Variants in SETX observed in about 807,000 individuals in gnomAD.
SETX encodes the protein helicase senataxin.
A neutral mutation model predicts 227.2 loss-of-function variants in SETX; 90 were observed. The observed-to-expected ratio is 0.40, with a 90% CI of 0.33 to 0.47. SETX has a LOEUF of 0.47. Among genes scored for constraint, SETX ranks in the 20% least tolerant of loss-of-function variants. The pLI, the probability that SETX is intolerant of heterozygous loss-of-function variation, is 0.91. For synonymous variants in SETX, 1,210 were observed against 1,113.2 expected, an observed-to-expected ratio of 1.09 and a Z score of -1.73; for missense variants, 3,052 against 3,181.5, an observed-to-expected ratio of 0.96 and a Z score of 0.98.
intron 10 of SETX, among the ~76,000 whole-genome samples, chr9:132,322,307 G>A (rs1225300649): frequency 6.6e-6 from 1 of 152,010 alleles, no homozygotes; most frequent in Non-Finnish European, 1.5e-5. Context: ...TTACTATGCT[G>A]TGCAACCATC....
Position 132,330,236 on chromosome 9 carries a change from G to A in SETX, c.1362C>T (p.Val454=), listed in dbSNP as rs1589748106. 2.5e-6 allele frequency: 4 copies of A among 1,570,280 alleles called. No individual in the cohort carries two copies. Among genetic ancestry groups the A allele is most frequent in the Non-Finnish European group, 3.5e-6 (4 of 1,158,340 alleles). Residue 454 remains valine (V), a synonymous_variant, in exon 10 of 26, where the codon GTC becomes GTT. Transcript: ENST00000224140. ...CCAAAATTAGAAGAAAAAATTCAGTGACTTTGTCACACACAGCATCTGTTT... is the reference window on the plus strand; with the variant it reads ...CCAAAATTAGAAGAAAAAATTCAGTAACTTTGTCACACACAGCATCTGTTT... ...LNQTDAVCDK[V]TEFFLLILVS...
intron 10 of SETX, among the ~76,000 whole-genome samples, chr9:132,325,193 A>G (rs1846641577): frequency 6.6e-6 from 1 of 152,104 alleles, no homozygotes; most frequent in Admixed American, 6.5e-5. Context: ...CATCTCTACT[A>G]AAAATACAAA....
chr9:132,328,953 T>C lies in SETX; in HGVS notation c.2645A>G (p.Asn882Ser), dbSNP rs767546831. ...ATGAAATTCCTGTATTTTACAATTGTTTTCATGGAAAGAGAAAATAACTAA... is the reference window on the plus strand; with the variant it reads ...ATGAAATTCCTGTATTTTACAATTGCTTTCATGGAAAGAGAAAATAACTAA... ...EELVIFSFHENNCKIQEFHVD... is the reference protein window; with the variant it reads ...EELVIFSFHESNCKIQEFHVD... The change falls in exon 10 of 26, where the codon AAC becomes AGC. Residue 882 changes from asparagine to serine, a missense_variant. By Grantham distance (46) the Asn-to-Ser change is conservative (BLOSUM62 1). This residue lies in a region of SETX where 1,483 missense variants were observed against 1,312.0 expected (regional missense o/e 1.13). Coordinates refer to ENST00000224140, the MANE Select transcript of SETX (RefSeq NM_015046.7). 12 of 1,610,480 alleles carry C rather than the reference T, an allele frequency of 7.5e-6. No individual in the cohort carries two copies. In the South Asian group the frequency reaches 1.3e-4, roughly 18 times the overall value.
intron 2 of SETX, among the ~76,000 whole-genome samples, chr9:132,353,263 G>A (rs1372776405): frequency 6.6e-6 from 1 of 152,012 alleles, no homozygotes; most frequent in African/African-American, 2.4e-5. Context: ...ACCATTCATG[G>A]TGACTGGTAT....
At chr9:132,338,246 C>T (rs1226197106) in intron 5 of SETX, among the ~76,000 whole-genome samples, 1 of 152,010 alleles carries the variant, frequency 6.6e-6, no homozygotes, top group Admixed American at 6.6e-5. Context: ...GGTGCACCAC[C>T]ACGCCCGGCT....
chr9:132,261,918 A>G lies in SETX; in HGVS notation c.*2321T>C, dbSNP rs1022249813. On this transcript the variant is annotated 3_prime_UTR_variant, in exon 26 of 26. Transcript: ENST00000224140. ...GCCACACTTCACACCTTGTAAAAAG[A>G]ATAGCCCTGTTCAACAACGCTGCGC... 6.5e-6 allele frequency: 1 copy of G among 154,454 alleles called. No individual in the cohort carries two copies. Among genetic ancestry groups the G allele is most frequent in the African/African-American group, 2.4e-5 (1 of 41,552 alleles). 9.6% of individuals were successfully genotyped at this position (154,454 alleles called of 1,614,324 possible).
intron 15 of SETX, 76 bp downstream of exon 15, chr9:132,295,796 T>C: frequency 7.2e-7 from 1 of 1,383,030 alleles, no homozygotes; most frequent in Non-Finnish European, 1.0e-6. Flanking sequence ...GGCCTGCTCT[T>C]TCCTTTGTCA....
In SETX at chr9:132,328,458, T is replaced by C. The variant is rs1846993237; in HGVS notation, c.3140A>G (p.Glu1047Gly). The C allele has an allele frequency of 6.2e-7, 1 of 1,613,690 alleles. No homozygotes were observed. Among genetic ancestry groups the C allele is most frequent in the South Asian group, 1.1e-5 (1 of 91,064 alleles). The change falls in exon 10 of 26, where the codon GAG (glutamate) becomes GGG (glycine). Residue 1047 changes from glutamate to glycine, a missense_variant. Transcript: ENST00000224140. ...ACTATTAACTGTTGAAACGTGCTGC[T>C]CTGGATGTTCCCTCTCAAGGCATAT... ...DKICLEREHP[E>G]QHVSTVNSKE...
chr9:132,270,501 TCA>T (rs1842856128), intron 24 of SETX, among the ~76,000 whole-genome samples: 1 of 152,246 alleles, frequency 6.6e-6, no homozygotes, highest in Non-Finnish European at 1.5e-5. Flanking sequence ...CCTCTAGAAG[TCA>T]CAGTGCTTTC....
chr9:132,346,219 T>A (rs763312394), intron 4 of SETX, 42 bp downstream of exon 4: 13 of 1,501,750 alleles, frequency 8.7e-6, no homozygotes, highest in Non-Finnish European at 1.2e-5. Context: ...GGTACTAAAA[T>A]AATAAAACTG....
In SETX at chr9:132,302,825, A is replaced by G. The variant is rs1015932019; in HGVS notation, c.5375-2022T>C. 2.6e-5 allele frequency among the ~76,000 whole-genome samples: 4 copies of G among 152,130 alleles called. No individual in the cohort carries two copies. The East Asian group carries it at 5.8e-4, about 22-fold the overall frequency. ...TTTCAGTATTTTTTATAAAACAACAATAAGAGACTGTGGTATTGGTGGAAG... is the reference window on the plus strand; with the variant it reads ...TTTCAGTATTTTTTATAAAACAACAGTAAGAGACTGTGGTATTGGTGGAAG... On this transcript the variant is annotated intron_variant, in intron 11 of 25. Transcript: ENST00000224140.
Position 132,328,222 on chromosome 9 carries a change from A to G in SETX, c.3376T>C (p.Tyr1126His), listed in dbSNP as rs907569728. The change falls in exon 10 of 26, where the codon TAT becomes CAT. Residue 1126 changes from tyrosine (Y) to histidine (H), a missense_variant. By Grantham distance (83) the Tyr-to-His change is moderately conservative. Transcript: ENST00000224140. ...NTTNGQGCTD[Y>H]VSEVVKKGAE... is the part of the protein sequence containing the mutation. ...CCTTTTTTAACAACTTCAGATACAT[A>G]ATCTGTACAACCCTGACCATTTGTA... 2.5e-6 allele frequency: 4 copies of G among 1,613,978 alleles called. No homozygotes were observed. In the East Asian group the frequency reaches 8.9e-5, roughly 36 times the overall value.
At chr9:132,304,647 A>G (rs909123513) in intron 11 of SETX, among the ~76,000 whole-genome samples, 1 of 148,104 alleles carries the variant, frequency 6.8e-6, no homozygotes, top group African/African-American at 2.5e-5. Context: ...AAAAAAAAAA[A>G]GAAAGAAAGA....
rs79473072 is a variant in SETX, at chr9:132,309,532, T to C, written c.5374+2225A>G. On this transcript the variant is annotated intron_variant, in intron 11 of 25. Transcript: ENST00000224140. The stretch of plus-strand genomic sequence containing the variant: ...AATGCCTGTTACATACTCTTTTTTA[T>C]AGAGCTTTAAAAACGTAAAAACCAG... Among the ~76,000 whole-genome samples the C allele has an allele frequency of 1.3e-4, 20 of 152,220 alleles. 1 individual carries two copies. The East Asian group carries it at 3.9e-3, about 29-fold the overall frequency.
At position 132,283,252 on chromosome 9, in the gene SETX, C is replaced by A; in HGVS notation, c.6546+12G>T. ...GTAGTAGTCAAAGTTGTATGGCTGA[C>A]CGTTCACTGACCTCATCAACAATGA... On this transcript the variant is annotated intron_variant, in intron 19 of 25. Transcript: ENST00000224140. 6.2e-7 allele frequency: 1 copy of A among 1,614,054 alleles called. No individual in the cohort carries two copies. The highest frequency in any genetic ancestry group is 1.1e-5 in the South Asian group (1 of 91,076).
At position 132,328,703 on chromosome 9, in the gene SETX, T is replaced by C. The variant is rs751670459; in HGVS notation, c.2895A>G (p.Leu965=). 7 of 1,613,764 alleles carry C rather than the reference T, an allele frequency of 4.3e-6. No homozygotes were observed. Among genetic ancestry groups the C allele is most frequent in the Admixed American group, 1.7e-5 (1 of 59,984 alleles). The change falls in exon 10 of 26, where the codon TTA becomes TTG. Residue 965 remains leucine, a synonymous_variant. Coordinates refer to ENST00000224140, the MANE Select transcript of SETX (RefSeq NM_015046.7). ...DSQIDRDLHK[L]SLLAQASVIT... ...TAACACTGGCTTGAGCTAGTAAAGA[T>C]AATTTGTGAAGGTCTCTGTCTATCT...
intron 5 of SETX, among the ~76,000 whole-genome samples, chr9:132,339,589 GA>G (rs1462171460): frequency 5.3e-5 from 8 of 152,110 alleles, no homozygotes; most frequent in African/African-American, 1.9e-4. Flanking sequence ...ATAAGGTAGG[GA>G]TCTAACCTCT....
intron 25 of SETX, among the ~76,000 whole-genome samples, chr9:132,267,648 A>G (rs1467874685): frequency 6.6e-6 from 1 of 152,266 alleles, no homozygotes; most frequent in Non-Finnish European, 1.5e-5. Flanking sequence ...CTCTTTTTGT[A>G]GCACTGCCTT....
Position 132,278,209 on chromosome 9 carries a change from T to G in SETX, c.6703A>C (p.Arg2235=). The change falls in exon 21 of 26, where the codon AGA becomes CGA. Residue 2235 remains arginine, a synonymous_variant. Transcript: ENST00000224140. ...YDQSMMARFC[R]LLEENVEHNM... ...TGTTCTACATTCTCTTCCAGCAGTCTGCAGAAGCGAGCCATCATTGACTGG... is the reference window on the plus strand; with the variant it reads ...TGTTCTACATTCTCTTCCAGCAGTCGGCAGAAGCGAGCCATCATTGACTGG... The G allele has an allele frequency of 6.2e-7, 1 of 1,614,178 alleles. No individual in the cohort carries two copies. The highest frequency in any genetic ancestry group is 8.5e-7 in the Non-Finnish European group (1 of 1,180,020).
Sources: allele counts gnomAD v4.1 joint callset (sites outside exome capture counted in the v4.1 genomes callset), GRCh38; gene constraint gnomAD v4.1.1; regional missense constraint gnomAD v4.1.1; transcripts MANE v1.5; gene names NCBI Gene and HGNC (gene_info 2026-07-23, HGNC 2026-07-21).